RALYL: variants seen among roughly 807,000 people sequenced by gnomAD.
The protein encoded by RALYL is RALY RNA binding protein like, also known as RNA-binding Raly-like protein.
A neutral mutation model predicts 35.1 loss-of-function variants in RALYL; 29 were observed. That is an observed-to-expected ratio of 0.83 (90% CI 0.61 to 1.13). The LOEUF (loss-of-function observed/expected upper bound fraction) is 1.13. RALYL is among the 50% of genes most tolerant of loss of function. RALYL has a pLI of 0.00. For missense variants in RALYL, 359 were observed against 360.4 expected (o/e 1.00, Z 0.03); for synonymous variants, 120 against 127.6 (o/e 0.94, Z 0.40).
chr8:84,744,130 AAAT>A (rs1808048444), intron 2 of RALYL, among the ~76,000 whole-genome samples: 1 of 152,038 alleles, frequency 6.6e-6, no homozygotes, highest in African/African-American at 2.4e-5. Flanking sequence ...TAAAAAATAA[AAAT>A]AAGAGGAAAT....
intron 1 of RALYL, among the ~76,000 whole-genome samples, chr8:84,509,774 A>G (rs1275854538): frequency 1.3e-5 from 2 of 152,242 alleles, no homozygotes; most frequent in South Asian, 2.1e-4. Context: ...TAAAAAGACT[A>G]TGTTATGGTC....
intron 1 of RALYL, among the ~76,000 whole-genome samples, chr8:84,417,699 AT>A (rs776794400): frequency 1.4e-4 from 21 of 152,214 alleles, no homozygotes; most frequent in Non-Finnish European, 2.5e-4. Context: ...CCACACTTAA[AT>A]ATCCTAGTGT....
At chr8:84,481,551 A>T (rs1172771712) in intron 1 of RALYL, among the ~76,000 whole-genome samples, 2 of 152,206 alleles carry the variant, frequency 1.3e-5, no homozygotes, top group Middle Eastern at 3.2e-3. Flanking sequence ...CAATTTAAAT[A>T]TAATTTCAAC....
chr8:84,298,645 G>A lies in RALYL; in HGVS notation c.-24+114221G>A, dbSNP rs183313795. Among the ~76,000 whole-genome samples, 237 of 152,182 alleles carry A rather than the reference G, an allele frequency of 1.6e-3. 1 individual carries two copies. Among genetic ancestry groups the A allele is most frequent in the African/African-American group, 5.7e-3 (236 of 41,534 alleles). ...GCATTGAATCTGTAAGTTGCTTTGGGCAGTATGTCCATTTTAGCAGTATTG... is the reference window on the plus strand; with the variant it reads ...GCATTGAATCTGTAAGTTGCTTTGGACAGTATGTCCATTTTAGCAGTATTG... On this transcript the variant is annotated intron_variant, in intron 1 of 8. Transcript: ENST00000521268.
chr8:84,243,963 T>A (rs1381402474), intron 1 of RALYL, among the ~76,000 whole-genome samples: 2 of 152,170 alleles, frequency 1.3e-5, no homozygotes, highest in African/African-American at 4.8e-5. Flanking sequence ...TTTCCATCAA[T>A]GTAAATGAAT....
At chr8:84,649,615 G>C (rs1168508443) in intron 2 of RALYL, among the ~76,000 whole-genome samples, 7 of 151,868 alleles carry the variant, frequency 4.6e-5, no homozygotes, top group Admixed American at 4.6e-4. Flanking sequence ...ATTTCTGAGG[G>C]CTCTGTTCTG....
At chr8:84,521,152 T>C (rs1248900913) in intron 1 of RALYL, among the ~76,000 whole-genome samples, 1 of 152,136 alleles carries the variant, frequency 6.6e-6, no homozygotes, top group Non-Finnish European at 1.5e-5. Context: ...GTCATGAGCG[T>C]GAAGATCCCA....
chr8:84,774,921 T>C (rs1338490354), intron 3 of RALYL, among the ~76,000 whole-genome samples: 1 of 152,094 alleles, frequency 6.6e-6, no homozygotes, highest in Non-Finnish European at 1.5e-5. Flanking sequence ...GACAAGTAGG[T>C]GGAAAGGCCA....
intron 6 of RALYL, among the ~76,000 whole-genome samples, chr8:84,871,367 C>T (rs994480238): frequency 2.6e-5 from 4 of 152,106 alleles, no homozygotes; most frequent in South Asian, 2.1e-4. Context: ...CATTCCTGGG[C>T]TAAGGAGTAG....
intron 1 of RALYL, among the ~76,000 whole-genome samples, chr8:84,203,281 C>CT (rs113391957): frequency 0.055 from 7,970 of 144,424 alleles, 649 homozygotes; most frequent in African/African-American, 0.18. Context: ...TTCTTTCTTT[C>CT]TTTTTTTTTT....
Position 84,615,368 on chromosome 8 carries a change from C to T in RALYL, c.256+85791C>T, listed in dbSNP as rs949703278. Among the ~76,000 whole-genome samples the T allele has an allele frequency of 5.3e-5, 8 of 150,262 alleles. 1 individual carries two copies. Among genetic ancestry groups the T allele is most frequent in the African/African-American group, 1.7e-4 (7 of 40,468 alleles). The stretch of plus-strand genomic sequence containing the variant: ...AAAAAAAAAACAGAACGTCCTTATG[C>T]GTAGCATGGGCATCTGCATACAATA... On this transcript the variant is annotated intron_variant, in intron 2 of 8. Transcript: ENST00000521268.
At chr8:84,195,117 A>G (rs1814911620) in intron 1 of RALYL, among the ~76,000 whole-genome samples, 1 of 152,132 alleles carries the variant, frequency 6.6e-6, no homozygotes, top group Non-Finnish European at 1.5e-5. Context: ...TTCTGATTCT[A>G]GCCCCTCTTT....
intron 8 of RALYL, among the ~76,000 whole-genome samples, chr8:84,907,941 T>C (rs1322114048): frequency 2.0e-5 from 3 of 152,078 alleles, no homozygotes; most frequent in Non-Finnish European, 2.9e-5. Context: ...TCAATCTCTC[T>C]TTCTCCCATT....
rs182659242 is a variant in RALYL at position 84,499,131 on chromosome 8, G to A, written c.-23-30168G>A. Among the ~76,000 whole-genome samples the A allele has an allele frequency of 9.0e-4, 135 of 150,594 alleles. 1 individual carries two copies. Among genetic ancestry groups the A allele is most frequent in the African/African-American group, 1.9e-3 (78 of 40,930 alleles). On this transcript the variant is annotated intron_variant, in intron 1 of 8. Coordinates refer to ENST00000521268, the MANE Select transcript of RALYL (RefSeq NM_173848.7). ...AATTATTGATTCAGAGAGTAAATGC[G>A]CAGGTTTGTTACATGGATACACTGT...
chr8:84,759,667 C>T (rs917587302), intron 2 of RALYL, among the ~76,000 whole-genome samples: 1 of 152,136 alleles, frequency 6.6e-6, no homozygotes, highest in African/African-American at 2.4e-5. Flanking sequence ...ATGCAGGTTA[C>T]TCATCTCTTT....
intron 1 of RALYL, among the ~76,000 whole-genome samples, chr8:84,456,000 T>G (rs531768172): frequency 1.3e-4 from 20 of 152,150 alleles, no homozygotes; most frequent in African/African-American, 4.8e-4. Flanking sequence ...GTAGCCCATA[T>G]TGTTTCTTTA....
At chr8:84,824,735 C>G (rs1732079245) in intron 4 of RALYL, among the ~76,000 whole-genome samples, 1 of 152,112 alleles carries the variant, frequency 6.6e-6, no homozygotes, top group Non-Finnish European at 1.5e-5. Context: ...TGATCTTTGA[C>G]AAAGCCAACA....
intron 8 of RALYL, among the ~76,000 whole-genome samples, chr8:84,910,528 T>A (rs536396133): frequency 1.6e-3 from 239 of 152,204 alleles, no homozygotes; most frequent in Non-Finnish European, 2.4e-3. Context: ...AAAAAATCTG[T>A]TACCATCAAT....
At chr8:84,820,123 G>A (rs1441632408) in intron 4 of RALYL, among the ~76,000 whole-genome samples, 1 of 152,138 alleles carries the variant, frequency 6.6e-6, no homozygotes, top group East Asian at 1.9e-4. Context: ...TTTAGGCTGT[G>A]TTTCTAAGAT....
Sources: gnomAD v4.1 joint callset for allele counts (sites outside exome capture counted in the v4.1 genomes callset) on GRCh38, gnomAD v4.1.1 for gene constraint, MANE v1.5 for transcripts, NCBI Gene and HGNC (gene_info 2026-07-23, HGNC 2026-07-21) for gene names.